GLRA3: variants seen among roughly 807,000 people sequenced by gnomAD.
GLRA3 encodes the protein glycine receptor alpha 3, also known as glycine receptor subunit alpha-3.
In GLRA3, 44 loss-of-function variants were observed where a neutral mutation model predicts 60.4. The observed-to-expected ratio is 0.73, with a 90% CI of 0.57 to 0.94. GLRA3 has a LOEUF of 0.94. Ranked by LOEUF, GLRA3 falls within the 40% of genes least tolerant of loss-of-function variation. GLRA3 has a pLI of 0.00. For missense variants in GLRA3, 508 were observed against 564.6 expected (o/e 0.90, Z 1.02); for synonymous variants, 223 against 192.9 (o/e 1.16, Z -1.29).
chr4:174,798,858 T>C (rs565105305), intron 1 of GLRA3, among the ~76,000 whole-genome samples: 10 of 152,120 alleles, frequency 6.6e-5, no homozygotes, highest in Admixed American at 3.9e-4. Context: ...GAGGCGGAGC[T>C]TGCAGTGAGC....
chr4:174,726,343 G>A (rs760875891), intron 4 of GLRA3, among the ~76,000 whole-genome samples: 7 of 152,180 alleles, frequency 4.6e-5, no homozygotes, highest in Non-Finnish European at 5.9e-5. Flanking sequence ...TGAGTTAGGT[G>A]TGATGGTACC....
chr4:174,785,594 T>TTGAAGTC (rs1163929681), intron 2 of GLRA3, among the ~76,000 whole-genome samples: 109 of 152,272 alleles, frequency 7.2e-4, no homozygotes, highest in African/African-American at 2.6e-3. Flanking sequence ...TTACAAAACT[T>TTGAAGTC]TGAAGTCCAG....
At chr4:174,796,917 T>G (rs953498698) in intron 1 of GLRA3, among the ~76,000 whole-genome samples, 3 of 152,162 alleles carry the variant, frequency 2.0e-5, no homozygotes, top group Non-Finnish European at 4.4e-5. Flanking sequence ...ATATTTCTCC[T>G]AAAACTTTCT....
At chr4:174,673,452 A>T (rs1733985677) in intron 7 of GLRA3, among the ~76,000 whole-genome samples, 1 of 152,010 alleles carries the variant, frequency 6.6e-6, no homozygotes, top group African/African-American at 2.4e-5. Context: ...TCCATATCTA[A>T]AAAAAAGATT....
In GLRA3 at chr4:174,642,826, T is replaced by C. The variant is rs1454198138; in HGVS notation, c.*960A>G. 7.5e-6 allele frequency: 6 copies of C among 796,152 alleles called. No homozygotes were observed. The Admixed American group carries it at 3.7e-4, about 50-fold the overall frequency. The allele number at this position is 796,152 out of a possible 1,614,324, so 49.3% of individuals were successfully genotyped here. A position where few individuals can be genotyped will look rare whatever the true frequency, so the allele number is the denominator to read the frequency against. On this transcript the variant is annotated 3_prime_UTR_variant, in exon 10 of 10. Coordinates refer to ENST00000274093, the MANE Select transcript of GLRA3 (RefSeq NM_006529.4). The stretch of plus-strand genomic sequence containing the variant: ...AAAAATCTTCCATGAATCCATTTTG[T>C]TTTCATTGTATTCATTTTTATCAAA...
chr4:174,654,903 G>A (rs1319381198), intron 9 of GLRA3, among the ~76,000 whole-genome samples: 2 of 152,088 alleles, frequency 1.3e-5, no homozygotes, highest in African/African-American at 4.8e-5. Context: ...GGATACAAGA[G>A]CAAACTTGTG....
intron 1 of GLRA3, among the ~76,000 whole-genome samples, chr4:174,802,318 C>G (rs2111344694): frequency 6.6e-6 from 1 of 152,156 alleles, no homozygotes; most frequent in Non-Finnish European, 1.5e-5. Flanking sequence ...TTACATTTGT[C>G]TCATCTACGT....
At chr4:174,672,817 T>C in intron 7 of GLRA3, among the ~76,000 whole-genome samples, 1 of 152,066 alleles carries the variant, frequency 6.6e-6, no homozygotes, top group East Asian at 1.9e-4. Context: ...TCTCATAATA[T>C]TAATATATTG....
chr4:174,720,650 T>C (rs1736095269), intron 4 of GLRA3, among the ~76,000 whole-genome samples: 1 of 152,164 alleles, frequency 6.6e-6, no homozygotes, highest in African/African-American at 2.4e-5. Flanking sequence ...TGAGCCATTT[T>C]CCAGGGTTGT....
At chr4:174,788,398 G>A (rs1456021853) in intron 2 of GLRA3, among the ~76,000 whole-genome samples, 2 of 151,820 alleles carry the variant, frequency 1.3e-5, no homozygotes, top group Admixed American at 6.6e-5. Context: ...ATTCAACAAC[G>A]GTTAGATTCC....
At chr4:174,769,893 A>G (rs77007144) in intron 2 of GLRA3, among the ~76,000 whole-genome samples, 6,267 of 152,188 alleles carry the variant, frequency 0.041, 360 homozygotes, top group African/African-American at 0.12. Context: ...TGAATTTTGA[A>G]GATACTTTTT....
chr4:174,704,063 G>C (rs1735425265), intron 5 of GLRA3, among the ~76,000 whole-genome samples: 1 of 105,270 alleles, frequency 9.5e-6, no homozygotes, highest in South Asian at 2.8e-4. Flanking sequence ...GGGGTGCTGA[G>C]GTGGTTGGAT....
intron 8 of GLRA3, among the ~76,000 whole-genome samples, chr4:174,657,345 A>T (rs1216011461): frequency 6.6e-6 from 1 of 152,148 alleles, no homozygotes; most frequent in Admixed American, 6.6e-5. Context: ...ACCCATTTGG[A>T]CACCGGATGC....
chr4:174,797,939 G>A (rs1739636499), intron 1 of GLRA3, among the ~76,000 whole-genome samples: 2 of 151,328 alleles, frequency 1.3e-5, no homozygotes, highest in Admixed American at 6.6e-5. Context: ...AAAAAAAAAT[G>A]ATAGGGGAGT....
At chr4:174,718,959 C>CTTTTTTTTTTTTTTTTTT (rs10656765) in intron 4 of GLRA3, among the ~76,000 whole-genome samples, 1 of 81,064 alleles carries the variant, frequency 1.2e-5, no homozygotes, top group Non-Finnish European at 2.2e-5. Context: ...AGATTTCGTG[C>CTTTTTTTTTTTTTTTTTT]TTTTTTTTTT....
At chr4:174,721,323 T>C (rs1736121134) in intron 4 of GLRA3, among the ~76,000 whole-genome samples, 1 of 152,138 alleles carries the variant, frequency 6.6e-6, no homozygotes, top group South Asian at 2.1e-4. Context: ...GTGACATTCA[T>C]GAATTATATA....
intron 4 of GLRA3, among the ~76,000 whole-genome samples, chr4:174,725,837 T>G (rs574106803): frequency 2.2e-4 from 33 of 152,358 alleles, no homozygotes; most frequent in Admixed American, 1.2e-3. Flanking sequence ...CCAGAATTAT[T>G]GAACATTTAT....
At position 174,718,959 on chromosome 4, in the gene GLRA3, C is replaced by CTTTTTTTTTTTTTT. The variant is rs10656765; in HGVS notation, c.492-3403_492-3390dup. Among the ~76,000 whole-genome samples the CTTTTTTTTTTTTTT allele has an allele frequency of 1.5e-4, 12 of 81,064 alleles. 1 individual carries two copies. The highest frequency in any genetic ancestry group is 1.5e-4 in the African/African-American group (3 of 20,422). The allele number at this position is 81,064 out of a possible 152,430, so 53.2% of individuals were successfully genotyped here. ...TGGGGTTCTAGTTCTAGATTTCGTG[C>CTTTTTTTTTTTTTT]TTTTTTTTTTTTTTTTTTTTTTTGA... On this transcript the variant is annotated intron_variant, in intron 4 of 9. Transcript: ENST00000274093.
At chr4:174,737,724 C>T (rs764085676) in intron 3 of GLRA3, among the ~76,000 whole-genome samples, 33 of 152,166 alleles carry the variant, frequency 2.2e-4, no homozygotes, top group Non-Finnish European at 4.6e-4. Context: ...GTTGGCCAGA[C>T]TGGTCTCGAA....
Sources: allele counts gnomAD v4.1 joint callset (sites outside exome capture counted in the v4.1 genomes callset), GRCh38; gene constraint gnomAD v4.1.1; transcripts MANE v1.5; gene names NCBI Gene and HGNC (gene_info 2026-07-23, HGNC 2026-07-21).